The following CROCC2 variants were observed in gnomAD, a reference collection of about 807,000 sequenced individuals.
CROCC2 encodes ciliary rootlet coiled-coil protein 2.
A neutral mutation model predicts 177.6 loss-of-function variants in CROCC2; 163 were observed. That is an observed-to-expected ratio of 0.92 (90% CI 0.81 to 1.05). The LOEUF (loss-of-function observed/expected upper bound fraction) is 1.05, where lower values mean the gene tolerates loss of function less well. Ranked by LOEUF, CROCC2 falls within the 50% of genes least tolerant of loss-of-function variation. The pLI, the probability that CROCC2 is intolerant of heterozygous loss-of-function variation, is 0.00. For synonymous variants in CROCC2, 904 were observed against 787.3 expected (o/e 1.15, Z -2.48); for missense variants, 1,929 against 1,797.8 (o/e 1.07, Z -1.32).
chr2:240,906,658 G>A (rs750682769), intron 1 of CROCC2, 67 bp downstream of exon 1: 133 of 398,864 alleles, frequency 3.3e-4, no homozygotes, highest in Non-Finnish European at 4.3e-4. Context: ...TGGAAGGGAC[G>A]CGGCAAAGAG....
At chr2:240,933,898 A>G (rs768391990) in intron 11 of CROCC2, 46 bp downstream of exon 11, 2 of 1,513,152 alleles carry the variant, frequency 1.3e-6, no homozygotes, top group South Asian at 2.4e-5. Flanking sequence ...CACAGAAGAG[A>G]CCCCACTCTG....
At chr2:240,975,357 G>C (rs1445291925) in intron 27 of CROCC2, among the ~76,000 whole-genome samples, 1 of 152,208 alleles carries the variant, frequency 6.6e-6, no homozygotes, top group Non-Finnish European at 1.5e-5. Context: ...CCTTGTATCT[G>C]AGGACTGTCC....
rs1004395517 is a variant in CROCC2, at chr2:240,972,074, C to G, written c.4401+3812C>G. 4.6e-5 allele frequency among the ~76,000 whole-genome samples: 7 copies of G among 152,128 alleles called. No individual in the cohort carries two copies. Among genetic ancestry groups the G allele is most frequent in the South Asian group, 4.1e-4 (2 of 4,828 alleles). ...AATTAGAGACTCTCAGATCTGATTC[C>G]TCAGATCGACTTTATTTTCTCAAAC... On this transcript the variant is annotated intron_variant, in intron 27 of 31. Transcript: ENST00000690015. The surrounding 1 kb of genome is among the most constrained non-coding windows in gnomAD (Gnocchi z 7.1).
At chr2:240,985,659 G>GCACACACACCCAGGCACACACTC (rs2059834974) in intron 28 of CROCC2, among the ~76,000 whole-genome samples, 1 of 32,236 alleles carries the variant, frequency 3.1e-5, no homozygotes, top group African/African-American at 1.8e-4. Flanking sequence ...CACACACCCA[G>GCACACACACCCAGGCACACACTC]CACACACACC....
Position 240,959,362 on chromosome 2 carries a change from T to C in CROCC2, c.3005T>C (p.Ile1002Thr). 5.2e-6 allele frequency: 8 copies of C among 1,550,474 alleles called. No homozygotes were observed. The highest frequency in any genetic ancestry group is 7.0e-6 in the Non-Finnish European group (8 of 1,146,946). The change falls in exon 20 of 32, where the codon ATC (isoleucine) becomes ACC (threonine). Residue 1002 changes from isoleucine (I) to threonine (T), a missense_variant. Transcript: ENST00000690015. Reference sequence around the variant, plus strand: ...CTCCAGGCCCAGTTTGAGGATGCCATCACAGCCCATCAGAGGGAGACCACG... The same window carrying C: ...CTCCAGGCCCAGTTTGAGGATGCCACCACAGCCCATCAGAGGGAGACCACG... ...KALQAQFEDA[I>T]TAHQRETTAL...
At chr2:240,988,219 C>T (rs2059853280) in intron 28 of CROCC2, among the ~76,000 whole-genome samples, 1 of 152,186 alleles carries the variant, frequency 6.6e-6, no homozygotes, top group African/African-American at 2.4e-5. Flanking sequence ...AGCCTACAGC[C>T]TACAAGGAGG....
chr2:240,993,189 G>A lies in CROCC2; in HGVS notation c.*108G>A. ...CAGCGTCACAGTGAAAGGCACCCGT[G>A]ATGAGACAGCTCGCTCTCGGCAGTT... On this transcript the variant is annotated 3_prime_UTR_variant, in exon 32 of 32. Coordinates refer to ENST00000690015, the MANE Select transcript of CROCC2 (RefSeq NM_001351305.2). 1 of 671,388 alleles carries A rather than the reference G, an allele frequency of 1.5e-6. No homozygotes were observed. Among genetic ancestry groups the A allele is most frequent in the Non-Finnish European group, 2.8e-6 (1 of 355,484 alleles). The allele number at this position is 671,388 out of a possible 1,614,324, so 41.6% of individuals were successfully genotyped here.
At chr2:240,952,435 G>A (rs2059562682) in intron 18 of CROCC2, among the ~76,000 whole-genome samples, 1 of 152,124 alleles carries the variant, frequency 6.6e-6, no homozygotes, top group Non-Finnish European at 1.5e-5. Flanking sequence ...TGAGGCACAT[G>A]CTCTAATTAT....
At chr2:240,916,640 G>C (rs1281929035) in intron 1 of CROCC2, among the ~76,000 whole-genome samples, 2 of 152,072 alleles carry the variant, frequency 1.3e-5, no homozygotes, top group Admixed American at 1.3e-4. Flanking sequence ...GCGCCTCTCG[G>C]GACGTCCCGC....
At chr2:240,957,906 G>A (rs1444879477) in intron 19 of CROCC2, 6 of 911,094 alleles carry the variant, frequency 6.6e-6, no homozygotes, top group African/African-American at 1.8e-5. Flanking sequence ...CCGTGGGCAG[G>A]GACCCAGGAA....
intron 28 of CROCC2, chr2:240,985,876 C>T (rs2059837900): frequency 2.2e-6 from 1 of 448,428 alleles, no homozygotes; most frequent in Non-Finnish European, 4.5e-6. Flanking sequence ...ACAGCAGGGT[C>T]TGGGTGCATG....
chr2:240,914,193 C>G (rs1346817987), intron 1 of CROCC2, among the ~76,000 whole-genome samples: 1 of 152,204 alleles, frequency 6.6e-6, no homozygotes, highest in South Asian at 2.1e-4. Flanking sequence ...TCATCAGTGA[C>G]CACCCTTGTG....
rs542762008 is a variant in CROCC2 at position 240,911,205 on chromosome 2, A to G, written c.78+4614A>G. ...TGTGGGAAAATATACATAACATAAA[A>G]CTGACCATTTTAACCATTTTTAGGA... On this transcript the variant is annotated intron_variant, in intron 1 of 31. Coordinates refer to ENST00000690015, the MANE Select transcript of CROCC2 (RefSeq NM_001351305.2). Among the ~76,000 whole-genome samples the G allele has an allele frequency of 2.6e-5, 4 of 152,106 alleles. No homozygotes were observed. In the South Asian group the frequency reaches 8.3e-4, roughly 32 times the overall value.
chr2:240,907,202 CTA>C (rs1251440045), intron 1 of CROCC2, among the ~76,000 whole-genome samples: 2 of 152,168 alleles, frequency 1.3e-5, no homozygotes, highest in Non-Finnish European at 2.9e-5. Context: ...TGGCTCAGCC[CTA>C]GTGTCTATTC....
intron 1 of CROCC2, among the ~76,000 whole-genome samples, chr2:240,914,489 C>G (rs1426309406): frequency 6.6e-6 from 1 of 152,248 alleles, no homozygotes; most frequent in African/African-American, 2.4e-5. Flanking sequence ...CAGCCCCAGC[C>G]TCCGTTCTAC....
chr2:240,984,265 A>G (rs1396870991), intron 28 of CROCC2, among the ~76,000 whole-genome samples: 1 of 152,072 alleles, frequency 6.6e-6, no homozygotes, highest in Admixed American at 6.5e-5. Context: ...CTGAGCTCGG[A>G]CCCTGGACGC....
rs537462143 is a variant in CROCC2, at chr2:240,928,466, C to G, written c.646-1700C>G. 2.2e-5 allele frequency among the ~76,000 whole-genome samples: 3 copies of G among 138,356 alleles called. No individual in the cohort carries two copies. The South Asian group carries it at 6.4e-4, about 30-fold the overall frequency. The allele number at this position is 138,356 out of a possible 152,430, so 90.8% of individuals were successfully genotyped here. ...TGTGTGTGTGTGTAGCAAGAAATTGCGTACACTCCCCGATGGTCTGTGACT... is the reference window on the plus strand; with the variant it reads ...TGTGTGTGTGTGTAGCAAGAAATTGGGTACACTCCCCGATGGTCTGTGACT... On this transcript the variant is annotated intron_variant, in intron 5 of 31. Transcript: ENST00000690015.
At chr2:240,907,553 C>G (rs981781128) in intron 1 of CROCC2, among the ~76,000 whole-genome samples, 1 of 152,172 alleles carries the variant, frequency 6.6e-6, no homozygotes, top group African/African-American at 2.4e-5. Flanking sequence ...ATACAGATCA[C>G]CTGAAAAGAG....
intron 1 of CROCC2, among the ~76,000 whole-genome samples, chr2:240,907,691 G>A (rs559240558): frequency 6.2e-4 from 94 of 151,758 alleles, no homozygotes; most frequent in Non-Finnish European, 1.0e-3. Flanking sequence ...AAGAGGTGCC[G>A]TGGGGTGAGC....
Sources: gnomAD v4.1 joint callset for allele counts (sites outside exome capture counted in the v4.1 genomes callset) on GRCh38, gnomAD v4.1.1 for gene constraint, Gnocchi (gnomAD v3.1) non-coding constraint, MANE v1.5 for transcripts, NCBI Gene and HGNC (gene_info 2026-07-23, HGNC 2026-07-21) for gene names.